The following VPS37A variants were observed in gnomAD, a reference collection of about 807,000 sequenced individuals.
VPS37A encodes the protein vacuolar protein sorting-associated protein 37A.
VPS37A carries 30 observed loss-of-function variants against 49.8 expected under a neutral mutation model. The observed-to-expected ratio is 0.60, with a 90% CI of 0.45 to 0.82. The LOEUF is 0.82. Among genes scored for constraint, VPS37A ranks in the 40% least tolerant of loss-of-function variants. VPS37A has a pLI of 0.00. For missense variants in VPS37A, 593 were observed against 464.4 expected (o/e 1.28, Z -2.55); for synonymous variants, 195 against 160.6 (o/e 1.21, Z -1.62).
At chr8:17,325,240 G>C in the VPS37A span, among the ~76,000 whole-genome samples, 1 of 152,210 alleles carries the variant, frequency 6.6e-6, no homozygotes, top group East Asian at 1.9e-4. Context: ...TTGGCAGGGA[G>C]ACTAGAGCAG....
chr8:17,277,182 A>G lies in VPS37A; in HGVS notation c.713+715A>G, dbSNP rs950585576. Among the ~76,000 whole-genome samples, 4 of 152,156 alleles carry G rather than the reference A, an allele frequency of 2.6e-5. No homozygotes were observed. The East Asian group carries it at 7.7e-4, about 29-fold the overall frequency. ...GCCAAGTACCCATGAGAAATTCTGT[A>G]GTTTAAAAAGAGTTTAAATTTATTT... On this transcript the variant is annotated intron_variant, in intron 6 of 11. Transcript: ENST00000324849.
intron 4 of VPS37A, among the ~76,000 whole-genome samples, chr8:17,270,210 A>G (rs1038157109): frequency 1.3e-5 from 2 of 152,144 alleles, no homozygotes; most frequent in Admixed American, 6.5e-5. Flanking sequence ...GCAATTCAGT[A>G]TGAGATTTAA....
chr8:17,299,810 T>A (rs897774496), downstream of VPS37A: 2 of 1,592,810 alleles, frequency 1.3e-6, no homozygotes, highest in Admixed American at 3.4e-5. Flanking sequence ...GTTCCCTTGT[T>A]TTTGGAAGTG....
At position 17,248,288 on chromosome 8, in the gene VPS37A, G is replaced by T. The variant is rs1324383820; in HGVS notation, c.125+919G>T. 4 of 437,574 alleles carry T rather than the reference G, an allele frequency of 9.1e-6. 1 individual carries two copies. Among genetic ancestry groups the T allele is most frequent in the South Asian group, 4.9e-5 (3 of 61,492 alleles). The allele number at this position is 437,574 out of a possible 1,614,324, so 27.1% of individuals were successfully genotyped here. A position where few individuals can be genotyped will look rare whatever the true frequency, so the allele number is the denominator to read the frequency against. ...TTTTTTTTTTTTTTTTTTGCCGGGG[G>T]TACGGCTCTCCTGTTGCCCAGGCTG... On this transcript the variant is annotated intron_variant, in intron 1 of 11. Coordinates refer to ENST00000324849, the MANE Select transcript of VPS37A (RefSeq NM_152415.3).
At chr8:17,332,071 C>T in the VPS37A span, among the ~76,000 whole-genome samples, 1 of 152,154 alleles carries the variant, frequency 6.6e-6, no homozygotes, top group East Asian at 1.9e-4. Context: ...GGAAATGCAT[C>T]GGTTTCTAGA....
At chr8:17,323,318 G>A in the VPS37A span, among the ~76,000 whole-genome samples, 849 of 152,082 alleles carry the variant, frequency 5.6e-3, 13 homozygotes, top group Admixed American at 7.9e-3. Flanking sequence ...CACTGGGGTC[G>A]AAATCTACAT....
At chr8:17,256,182 T>C (rs1044689739) in intron 1 of VPS37A, among the ~76,000 whole-genome samples, 13 of 152,110 alleles carry the variant, frequency 8.5e-5, no homozygotes, top group African/African-American at 3.1e-4. Context: ...GTTGTACTAA[T>C]TTACATTCCC....
intron 1 of VPS37A, among the ~76,000 whole-genome samples, chr8:17,255,254 G>C (rs1463210978): frequency 6.6e-6 from 1 of 152,194 alleles, no homozygotes. Flanking sequence ...GCTGAAGCGG[G>C]TGGATCGCCT....
the VPS37A span, among the ~76,000 whole-genome samples, chr8:17,322,744 G>A: frequency 2.6e-5 from 4 of 152,130 alleles, no homozygotes; most frequent in Non-Finnish European, 4.4e-5. Context: ...AGGATCACTT[G>A]AGCCCAGGAG....
chr8:17,294,349 C>T (rs546639774), intron 11 of VPS37A, among the ~76,000 whole-genome samples: 6 of 152,282 alleles, frequency 3.9e-5, no homozygotes, highest in African/African-American at 7.2e-5. Flanking sequence ...GCTATGCTGG[C>T]GGTGAAAATT....
intron 1 of VPS37A, among the ~76,000 whole-genome samples, chr8:17,265,591 A>G (rs1016593153): frequency 6.6e-6 from 1 of 152,238 alleles, no homozygotes; most frequent in Non-Finnish European, 1.5e-5. Context: ...ACCGGAGAGC[A>G]CACAATTGCT....
intron 1 of VPS37A, among the ~76,000 whole-genome samples, chr8:17,252,940 A>G (rs1305692203): frequency 6.6e-6 from 1 of 152,218 alleles, no homozygotes; most frequent in African/African-American, 2.4e-5. Flanking sequence ...ATGCGTATCA[A>G]TCCTGTAATT....
At chr8:17,315,489 T>C in the VPS37A span, among the ~76,000 whole-genome samples, 30 of 152,238 alleles carry the variant, frequency 2.0e-4, no homozygotes, top group East Asian at 4.1e-3. Flanking sequence ...GATGTGCCAA[T>C]GTAGGTGCAC....
At chr8:17,300,380 T>C, downstream of VPS37A, 3 of 770,506 alleles carry the variant, frequency 3.9e-6, no homozygotes, top group Non-Finnish European at 6.0e-6. Context: ...TTCACGACCT[T>C]GGACAAAATC....
downstream of VPS37A, chr8:17,304,662 G>A (rs1817333969): frequency 1.3e-6 from 1 of 786,462 alleles, no homozygotes; most frequent in Non-Finnish European, 2.0e-6. Context: ...GTATCATCTT[G>A]GTGACTTCAT....
chr8:17,257,491 G>C (rs1030612649), intron 1 of VPS37A, among the ~76,000 whole-genome samples: 1 of 152,130 alleles, frequency 6.6e-6, no homozygotes, highest in African/African-American at 2.4e-5. Context: ...GGGCCTGTCA[G>C]GGGGCGTTAG....
chr8:17,277,371 G>A (rs1458579325), intron 6 of VPS37A, among the ~76,000 whole-genome samples: 2 of 151,820 alleles, frequency 1.3e-5, no homozygotes, highest in Non-Finnish European at 2.9e-5. Flanking sequence ...TATCTTTTTT[G>A]CTTTAAATTT....
chr8:17,305,551 G>GA (rs1817392676), downstream of VPS37A, among the ~76,000 whole-genome samples: 1 of 151,986 alleles, frequency 6.6e-6, no homozygotes, highest in South Asian at 2.1e-4. Context: ...GAAACTGAAG[G>GA]AAAAAATGAA....
intron 1 of VPS37A, among the ~76,000 whole-genome samples, chr8:17,263,654 A>G (rs1002784191): frequency 6.6e-6 from 1 of 152,244 alleles, no homozygotes; most frequent in African/African-American, 2.4e-5. Flanking sequence ...AAAATTTTCT[A>G]TAAAAATCTG....
Sources: allele counts gnomAD v4.1 joint callset (sites outside exome capture counted in the v4.1 genomes callset), GRCh38; gene constraint gnomAD v4.1.1; transcripts MANE v1.5; gene names NCBI Gene and HGNC (gene_info 2026-07-23, HGNC 2026-07-21).